The following ADK variants were observed in gnomAD, a reference collection of about 807,000 sequenced individuals.
ADK encodes the protein N6,N6-dimethyladenosine kinase.
A neutral mutation model predicts 44.7 loss-of-function variants in ADK; 24 were observed. The ratio of observed to expected loss-of-function variants is 0.54; its 90% confidence interval spans 0.39 to 0.76. ADK has a LOEUF of 0.76. ADK is among the 30% of genes least tolerant of loss of function. The pLI is 0.00. For synonymous variants in ADK, 128 were observed against 142.6 expected, an observed-to-expected ratio of 0.90 and a Z score of 0.73; for missense variants, 321 against 425.1, an observed-to-expected ratio of 0.76 and a Z score of 2.15.
At chr10:74,470,435 CT>C (rs1564739955) in intron 6 of ADK, among the ~76,000 whole-genome samples, 1 of 151,940 alleles carries the variant, frequency 6.6e-6, no homozygotes, top group Non-Finnish European at 1.5e-5. Context: ...TCATCAACAT[CT>C]TGTTTTCAGA....
chr10:74,154,367 C>T (rs1841694059), intron 1 of ADK, among the ~76,000 whole-genome samples: 1 of 152,166 alleles, frequency 6.6e-6, no homozygotes, highest in South Asian at 2.1e-4. Context: ...CTCCTGGGTT[C>T]AAGCAATTCT....
intron 7 of ADK, among the ~76,000 whole-genome samples, chr10:74,583,916 T>A (rs542930909): frequency 1.3e-5 from 2 of 152,258 alleles, no homozygotes; most frequent in East Asian, 3.9e-4. Context: ...AGCCCTCAGA[T>A]CCTCACTGGT....
At chr10:74,618,541 G>A (rs971483868) in intron 9 of ADK, among the ~76,000 whole-genome samples, 8 of 152,006 alleles carry the variant, frequency 5.3e-5, no homozygotes, top group Admixed American at 1.3e-4. Flanking sequence ...CGCCCGCCTC[G>A]GCCTCCCAAA....
intron 9 of ADK, among the ~76,000 whole-genome samples, chr10:74,634,003 C>T (rs944503473): frequency 3.3e-5 from 5 of 152,128 alleles, no homozygotes; most frequent in African/African-American, 1.2e-4. Context: ...TCTGGATGAC[C>T]CCTCAATTAC....
chr10:74,627,692 G>A (rs751498096), intron 9 of ADK, among the ~76,000 whole-genome samples: 3 of 152,078 alleles, frequency 2.0e-5, no homozygotes, highest in Non-Finnish European at 4.4e-5. Flanking sequence ...GTGTGCAGTG[G>A]CACGATCTCG....
intron 9 of ADK, among the ~76,000 whole-genome samples, chr10:74,668,766 C>T (rs2134191970): frequency 6.6e-6 from 1 of 152,056 alleles, no homozygotes; most frequent in Admixed American, 6.5e-5. Flanking sequence ...GATGCAGTGG[C>T]TCATGCCTGT....
At chr10:74,190,025 G>T (rs558860954) in intron 1 of ADK, among the ~76,000 whole-genome samples, 1 of 152,060 alleles carries the variant, frequency 6.6e-6, no homozygotes, top group East Asian at 1.9e-4. Context: ...TTTCACTTTT[G>T]GGCTGCTATG....
chr10:74,618,654 T>A (rs565956968), intron 9 of ADK, among the ~76,000 whole-genome samples: 1 of 152,314 alleles, frequency 6.6e-6, no homozygotes, highest in African/African-American at 2.4e-5. Flanking sequence ...GTTCTCTATG[T>A]TGGGAGTTAT....
chr10:74,409,423 T>C (rs1844083630), intron 6 of ADK, among the ~76,000 whole-genome samples: 1 of 152,214 alleles, frequency 6.6e-6, no homozygotes, highest in Non-Finnish European at 1.5e-5. Context: ...CCCTGTTTCA[T>C]GGATTAGAAA....
At chr10:74,630,535 A>G (rs1226399882) in intron 9 of ADK, among the ~76,000 whole-genome samples, 1 of 152,106 alleles carries the variant, frequency 6.6e-6, no homozygotes, top group Non-Finnish European at 1.5e-5. Context: ...GATAAAATTC[A>G]GATTATGCAT....
Position 74,283,945 on chromosome 10 carries a change from G to T in ADK, c.195-30722G>T, listed in dbSNP as rs374080749. On this transcript the variant is annotated intron_variant, in intron 3 of 10. Transcript: ENST00000539909. ...TCCGCCTGCCTAGGCCTCCCAAAGT[G>T]CTGGGATTACAGGCATGAGCCACTG... Among the ~76,000 whole-genome samples the T allele has an allele frequency of 2.6e-5, 4 of 151,360 alleles. No homozygotes were observed. The East Asian group carries it at 7.8e-4, about 30-fold the overall frequency.
At chr10:74,578,692 A>G (rs1455033039) in intron 7 of ADK, among the ~76,000 whole-genome samples, 4 of 151,974 alleles carry the variant, frequency 2.6e-5, no homozygotes, top group South Asian at 2.1e-4. Context: ...AGGACCAGGG[A>G]AAAAAAAGTG....
intron 4 of ADK, chr10:74,344,591 G>C (rs1275964407): frequency 3.9e-6 from 1 of 253,806 alleles, no homozygotes; most frequent in Non-Finnish European, 8.4e-6. Context: ...GCTTCATTCT[G>C]CTGAATATTA....
chr10:74,655,453 G>A (rs1854445797), intron 9 of ADK: 2 of 454,950 alleles, frequency 4.4e-6, no homozygotes, highest in Non-Finnish European at 4.4e-6. Context: ...ATGACCCTGG[G>A]CTGAGGAATG....
chr10:74,374,640 C>A (rs1253470387), intron 4 of ADK, among the ~76,000 whole-genome samples: 2 of 151,918 alleles, frequency 1.3e-5, no homozygotes, highest in Admixed American at 1.3e-4. Context: ...CTCTCTGATC[C>A]CAGCCTGCTT....
chr10:74,250,391 G>T (rs148852804), intron 3 of ADK, among the ~76,000 whole-genome samples: 4 of 152,196 alleles, frequency 2.6e-5, no homozygotes, highest in African/African-American at 9.7e-5. Context: ...GGCAAGGTCT[G>T]TTTGGAGAAT....
intron 1 of ADK, among the ~76,000 whole-genome samples, chr10:74,157,506 C>A (rs1160511323): frequency 1.3e-5 from 2 of 151,662 alleles, no homozygotes; most frequent in African/African-American, 4.8e-5. Context: ...CAGTTGAACT[C>A]TAGACCAGAC....
chr10:74,308,245 A>G (rs1840320763), intron 3 of ADK, among the ~76,000 whole-genome samples: 1 of 152,150 alleles, frequency 6.6e-6, no homozygotes, highest in Non-Finnish European at 1.5e-5. Flanking sequence ...ATAAGGGCTT[A>G]TCTAAGCAAT....
intron 6 of ADK, among the ~76,000 whole-genome samples, chr10:74,483,669 G>A (rs1192723856): frequency 6.6e-6 from 1 of 152,140 alleles, no homozygotes; most frequent in African/African-American, 2.4e-5. Flanking sequence ...GAAGCAGACA[G>A]GATACATCTT....
Sources: gnomAD v4.1 joint callset for allele counts (sites outside exome capture counted in the v4.1 genomes callset) on GRCh38, gnomAD v4.1.1 for gene constraint, MANE v1.5 for transcripts, NCBI Gene and HGNC (gene_info 2026-07-23, HGNC 2026-07-21) for gene names.